BTBD7: variants seen among roughly 807,000 people sequenced by gnomAD.
BTBD7 encodes the protein BTB/POZ domain-containing protein 7.
Under a neutral mutation model 99.9 loss-of-function variants are expected in BTBD7, and 38 were observed. The ratio of observed to expected loss-of-function variants is 0.38; its 90% CI spans 0.29 to 0.50. The LOEUF (loss-of-function observed/expected upper bound fraction) is 0.50, where lower values mean the gene tolerates loss of function less well. Ranked by LOEUF, BTBD7 falls within the 20% of genes least tolerant of loss-of-function variation. The pLI, the probability that BTBD7 is intolerant of heterozygous loss-of-function variation, is 0.93. For synonymous variants in BTBD7, 520 were observed against 511.4 expected (o/e 1.02, Z -0.23); for missense variants, 1,170 against 1,394.6 (o/e 0.84, Z 2.57).
Position 93,290,744 on chromosome 14 carries a change from G to T in BTBD7, c.1162+3114C>A, listed in dbSNP as rs1038200563. 2.0e-5 allele frequency among the ~76,000 whole-genome samples: 3 copies of T among 151,756 alleles called. No homozygotes were observed. The South Asian group carries it at 6.2e-4, about 32-fold the overall frequency. On this transcript the variant is annotated intron_variant, in intron 3 of 10. Transcript: ENST00000334746. ...CTCACTCTGTCGCCCAGGCTGGTGT[G>T]CAGTGGTGCGATCTCAGCTCACTGC...
intron 3 of BTBD7, among the ~76,000 whole-genome samples, chr14:93,279,692 T>C (rs2052696628): frequency 6.6e-6 from 1 of 152,110 alleles, no homozygotes; most frequent in African/African-American, 2.4e-5. Context: ...GGATTACAGG[T>C]GCCCATGACC....
chr14:93,312,293 C>CA (rs571231040), intron 1 of BTBD7, among the ~76,000 whole-genome samples: 1 of 152,210 alleles, frequency 6.6e-6, no homozygotes, highest in Non-Finnish European at 1.5e-5. Context: ...ACTACACTCT[C>CA]AGTCTTAGTT....
Position 93,274,613 on chromosome 14 carries a change from T to TC in BTBD7, c.1163-10621dup, listed in dbSNP as rs141540017. 4.5e-3 allele frequency among the ~76,000 whole-genome samples: 691 copies of TC among 152,308 alleles called. 3 individuals carry two copies. The highest frequency in any genetic ancestry group is 0.016 in the African/African-American group (657 of 41,572). On this transcript the variant is annotated intron_variant, in intron 3 of 10. Transcript: ENST00000334746. ...TATGCCTGATTGACCACAGCAGTGA[T>TC]CAGCTCAGAACACATGCTTGTATTG...
chr14:93,321,839 A>G (rs1054447480), intron 1 of BTBD7, among the ~76,000 whole-genome samples: 1 of 152,160 alleles, frequency 6.6e-6, no homozygotes, highest in African/African-American at 2.4e-5. Flanking sequence ...GACATTTGGG[A>G]TGATATCCAA....
In BTBD7 at chr14:93,297,783, G is replaced by T. The variant is rs142280040; in HGVS notation, c.-106-1626C>A. Among the ~76,000 whole-genome samples the T allele has an allele frequency of 2.9e-3, 442 of 152,168 alleles. 4 individuals are homozygous for T. Among genetic ancestry groups the T allele is most frequent in the African/African-American group, 9.7e-3 (404 of 41,518 alleles). ...AGGTCAAATCCTAATCTCACTCAGG[G>T]TTTACATTTAAAACAAAAAACAGCA... is the stretch of plus-strand genomic sequence containing the variant. On this transcript the variant is annotated intron_variant, in intron 1 of 10. Coordinates refer to ENST00000334746, the MANE Select transcript of BTBD7 (RefSeq NM_001002860.4).
At chr14:93,281,083 A>G (rs1221287449) in intron 3 of BTBD7, among the ~76,000 whole-genome samples, 2 of 151,938 alleles carry the variant, frequency 1.3e-5, no homozygotes, top group Middle Eastern at 7.1e-3. Flanking sequence ...GCTCACTGCA[A>G]TCTGCGCTTC....
chr14:93,242,155 C>A lies in BTBD7; in HGVS notation c.*118G>T. 2.2e-6 allele frequency: 2 copies of A among 923,530 alleles called. No homozygotes were observed. Among genetic ancestry groups the A allele is most frequent in the Non-Finnish European group, 3.2e-6 (2 of 615,512 alleles). 57.2% of individuals were successfully genotyped at this position (923,530 alleles called of 1,614,324 possible). A position where few individuals can be genotyped will look rare whatever the true frequency, so the allele number is the denominator to read the frequency against. On this transcript the variant is annotated 3_prime_UTR_variant, in exon 11 of 11. Transcript: ENST00000334746. ...ACACATATATACACAAAAACTAGAA[C>A]AAAATCATGTGAAACCGAGTTATCA...
chr14:93,253,790 T>A lies in BTBD7; in HGVS notation c.1609A>T (p.Met537Leu), dbSNP rs201212377. The change falls in exon 7 of 11, where the codon ATG (methionine) becomes TTG (leucine). Residue 537 changes from methionine (M) to leucine (L), a missense_variant and splice_region_variant. Physicochemically the swap from Met to Leu is conservative, Grantham distance 15. This residue lies in a region of BTBD7 where 309 missense variants were observed against 342.0 expected (regional missense o/e 0.90). Coordinates refer to ENST00000334746, the MANE Select transcript of BTBD7 (RefSeq NM_001002860.4). ...PINSEVLSDA[M>L]KRGLISTPPS... Reference sequence around the variant, plus strand: ...GGAGTACTAATCAAGCCTCTTTTCATCTAAAAAAAAATTTTTTTTTTAGAT... The same window carrying A: ...GGAGTACTAATCAAGCCTCTTTTCAACTAAAAAAAAATTTTTTTTTTAGAT... The A allele has an allele frequency of 6.4e-7, 1 of 1,560,760 alleles. No individual in the cohort carries two copies.
Position 93,332,880 on chromosome 14 carries a change from C to G in BTBD7, c.-167G>C. On this transcript the variant is annotated 5_prime_UTR_variant, in exon 1 of 11. Coordinates refer to ENST00000334746, the MANE Select transcript of BTBD7 (RefSeq NM_001002860.4). The stretch of plus-strand genomic sequence containing the variant: ...GGACCGCTGCCGTCGCCTCCGCCGC[C>G]GCCGCCACCAGCACCGCCGTCCGCA... The G allele has an allele frequency of 6.8e-7, 1 of 1,460,060 alleles. No homozygotes were observed. The highest frequency in any genetic ancestry group is 9.0e-7 in the Non-Finnish European group (1 of 1,106,416). 90.4% of individuals were successfully genotyped at this position (1,460,060 alleles called of 1,614,324 possible).
At chr14:93,331,947 T>G (rs1284626348) in intron 1 of BTBD7, among the ~76,000 whole-genome samples, 1 of 151,140 alleles carries the variant, frequency 6.6e-6, no homozygotes, top group South Asian at 2.1e-4. Context: ...ACTTTCTCAT[T>G]ACAGTAAGAT....
rs1950870097 is a variant in BTBD7, at chr14:93,239,225, C to CA, written c.*3047dup. On this transcript the variant is annotated 3_prime_UTR_variant, in exon 11 of 11. Coordinates refer to ENST00000334746, the MANE Select transcript of BTBD7 (RefSeq NM_001002860.4). ...ACAATAACATAAGAAAAAAGACCAA[C>CA]AGCATCTTTAAGAAACTTGAACGTC... 3 of 152,544 alleles carry CA rather than the reference C, an allele frequency of 2.0e-5. No homozygotes were observed. The highest frequency in any genetic ancestry group is 4.4e-5 in the Non-Finnish European group (3 of 68,018). The allele number at this position is 152,544 out of a possible 1,614,324, so 9.4% of individuals were successfully genotyped here.
At chr14:93,288,310 T>C in intron 3 of BTBD7, 1 of 591,124 alleles carries the variant, frequency 1.7e-6, no homozygotes, top group Admixed American at 3.2e-5. Flanking sequence ...ATGAATACTC[T>C]AGTTTTATTT....
Position 93,257,421 on chromosome 14 carries a change from C to T in BTBD7, c.1448-66G>A, listed in dbSNP as rs186779135. 8,285 of 1,484,642 alleles carry T rather than the reference C, an allele frequency of 5.6e-3. 27 individuals carry two copies. The highest frequency in any genetic ancestry group is 7.0e-3 in the Non-Finnish European group (7,677 of 1,096,032). The allele number at this position is 1,484,642 out of a possible 1,614,324, so 92.0% of individuals were successfully genotyped here. On this transcript the variant is annotated intron_variant, in intron 5 of 10. Transcript: ENST00000334746. Reference sequence around the variant, plus strand: ...TGTTCTGAGACAGGTTTCCTTTGTTCTCTAGTACATACACTAACAGTACCA... The same window carrying T: ...TGTTCTGAGACAGGTTTCCTTTGTTTTCTAGTACATACACTAACAGTACCA...
chr14:93,282,933 T>C (rs1595308675), intron 3 of BTBD7, among the ~76,000 whole-genome samples: 1 of 152,322 alleles, frequency 6.6e-6, no homozygotes, highest in East Asian at 1.9e-4. Context: ...AGAACACATA[T>C]CTCAGTAATT....
intron 8 of BTBD7, among the ~76,000 whole-genome samples, chr14:93,250,207 G>C (rs932955169): frequency 6.6e-6 from 1 of 152,162 alleles, no homozygotes; most frequent in African/African-American, 2.4e-5. Context: ...TACCAGAACA[G>C]GACCATACCT....
intron 1 of BTBD7, among the ~76,000 whole-genome samples, chr14:93,299,395 T>C (rs912289867): frequency 6.6e-6 from 1 of 152,214 alleles, no homozygotes; most frequent in Non-Finnish European, 1.5e-5. Context: ...TCCAGCGATG[T>C]GTTCTCTCCA....
At chr14:93,308,435 A>T (rs2053097848) in intron 1 of BTBD7, among the ~76,000 whole-genome samples, 1 of 152,202 alleles carries the variant, frequency 6.6e-6, no homozygotes, top group Non-Finnish European at 1.5e-5. Context: ...AAAGTAAATA[A>T]TTTTTAAAAA....
At chr14:93,303,124 A>T (rs1324174908) in intron 1 of BTBD7, among the ~76,000 whole-genome samples, 2 of 152,206 alleles carry the variant, frequency 1.3e-5, no homozygotes, top group Non-Finnish European at 2.9e-5. Context: ...GCACCATTAT[A>T]CTTCTGTTAC....
At chr14:93,289,336 T>C (rs191213273) in intron 3 of BTBD7, among the ~76,000 whole-genome samples, 1 of 152,354 alleles carries the variant, frequency 6.6e-6, no homozygotes, top group Admixed American at 6.5e-5. Context: ...AAGGGTCTGA[T>C]CCCTCAGTAT....
Sources: allele counts gnomAD v4.1 joint callset (sites outside exome capture counted in the v4.1 genomes callset), GRCh38; gene constraint gnomAD v4.1.1; regional missense constraint gnomAD v4.1.1; transcripts MANE v1.5; gene names NCBI Gene and HGNC (gene_info 2026-07-23, HGNC 2026-07-21).